The following CSMD1 variants were observed in gnomAD, a reference collection of about 807,000 sequenced individuals.
CSMD1 encodes CUB and sushi domain-containing protein 1.
A neutral mutation model predicts 417.5 loss-of-function variants in CSMD1; 213 were observed. The ratio of observed to expected loss-of-function variants is 0.51; its 90% CI spans 0.46 to 0.57. The LOEUF is 0.57. Among genes scored for constraint, CSMD1 ranks in the 20% least tolerant of loss-of-function variants. The pLI is 0.00. For synonymous variants in CSMD1, 2,862 were observed against 1,736.8 expected, an observed-to-expected ratio of 1.65 and a Z score of -16.11; for missense variants, 6,923 against 4,529.7, an observed-to-expected ratio of 1.53 and a Z score of -15.17.
chr8:3,840,865 G>A (rs759641199), intron 5 of CSMD1, among the ~76,000 whole-genome samples: 10 of 151,556 alleles, frequency 6.6e-5, no homozygotes, highest in Admixed American at 5.3e-4. Flanking sequence ...CTGTGACTAC[G>A]CCCATTAATT....
chr8:4,421,054 T>C (rs935165386), intron 2 of CSMD1, among the ~76,000 whole-genome samples: 8 of 152,182 alleles, frequency 5.3e-5, no homozygotes, highest in Non-Finnish European at 1.2e-4. Context: ...AAGAGACTCA[T>C]TTGTTCATTT....
chr8:3,145,989 G>A (rs1392852540), intron 40 of CSMD1, among the ~76,000 whole-genome samples: 3 of 152,186 alleles, frequency 2.0e-5, no homozygotes, highest in Admixed American at 6.5e-5. Context: ...GTTTTTAGTT[G>A]ATAGAACCTG....
intron 1 of CSMD1, among the ~76,000 whole-genome samples, chr8:4,689,683 G>A (rs571305386): frequency 1.3e-5 from 2 of 152,026 alleles, no homozygotes; most frequent in African/African-American, 2.4e-5. Flanking sequence ...TTTGCGAAAT[G>A]CCTTTGCTTT....
At chr8:4,491,581 G>T (rs570524468) in intron 2 of CSMD1, among the ~76,000 whole-genome samples, 9 of 152,202 alleles carry the variant, frequency 5.9e-5, no homozygotes, top group Admixed American at 3.3e-4. Context: ...TGGGCAAAAG[G>T]TCTGAACAGA....
intron 3 of CSMD1, among the ~76,000 whole-genome samples, chr8:4,062,179 A>C (rs907787003): frequency 6.6e-6 from 1 of 152,084 alleles, no homozygotes; most frequent in Non-Finnish European, 1.5e-5. Flanking sequence ...AGACTTGCCA[A>C]GTGACGGGAG....
At chr8:3,437,445 G>C (rs1043500855) in intron 12 of CSMD1, among the ~76,000 whole-genome samples, 5 of 152,114 alleles carry the variant, frequency 3.3e-5, no homozygotes, top group African/African-American at 7.2e-5. Flanking sequence ...TGTGTAATTT[G>C]TAAACAGAAT....
At chr8:4,408,699 A>G (rs1404131969) in intron 3 of CSMD1, among the ~76,000 whole-genome samples, 2 of 152,180 alleles carry the variant, frequency 1.3e-5, no homozygotes, top group African/African-American at 2.4e-5. Context: ...ATAAGCCCAT[A>G]GTTGACCAGC....
At chr8:2,968,902 A>C (rs1202553512) in intron 57 of CSMD1, among the ~76,000 whole-genome samples, 9 of 152,258 alleles carry the variant, frequency 5.9e-5, no homozygotes, top group African/African-American at 1.9e-4. Context: ...TGACTTCTTC[A>C]GCTAAAACAT....
At chr8:4,631,750 T>C (rs1802530658) in intron 2 of CSMD1, among the ~76,000 whole-genome samples, 1 of 152,238 alleles carries the variant, frequency 6.6e-6, no homozygotes, top group South Asian at 2.1e-4. Context: ...TTAATGGCCC[T>C]ATCACATTCA....
chr8:3,202,758 G>T (rs1239770021), intron 31 of CSMD1, among the ~76,000 whole-genome samples: 2 of 152,156 alleles, frequency 1.3e-5, no homozygotes. Flanking sequence ...AACAGTGTGT[G>T]TGCCCATGTG....
intron 23 of CSMD1, among the ~76,000 whole-genome samples, chr8:3,308,945 G>C (rs1034629732): frequency 2.6e-5 from 4 of 151,816 alleles, no homozygotes; most frequent in African/African-American, 9.7e-5. Context: ...GGCTGGTCTC[G>C]AATACCTGAC....
intron 5 of CSMD1, among the ~76,000 whole-genome samples, chr8:3,776,800 T>C (rs933704432): frequency 3.1e-5 from 3 of 96,338 alleles, no homozygotes; most frequent in Non-Finnish European, 4.2e-5. Context: ...TAGTGACATA[T>C]AGACGAGATA....
chr8:4,457,208 G>A (rs950446419), intron 2 of CSMD1, among the ~76,000 whole-genome samples: 1 of 152,114 alleles, frequency 6.6e-6, no homozygotes, highest in East Asian at 1.9e-4. Context: ...CACATGTGGA[G>A]GGAAGGGGGG....
At chr8:3,564,720 G>T (rs1799625042) in intron 10 of CSMD1, among the ~76,000 whole-genome samples, 1 of 150,710 alleles carries the variant, frequency 6.6e-6, no homozygotes, top group Non-Finnish European at 1.5e-5. Context: ...TGCCCTTGTG[G>T]CAGAAAAACC....
At chr8:3,739,151 A>G (rs1796671844) in intron 6 of CSMD1, among the ~76,000 whole-genome samples, 1 of 152,220 alleles carries the variant, frequency 6.6e-6, no homozygotes, top group East Asian at 1.9e-4. Flanking sequence ...AGTTTAAACA[A>G]TGTTTGCAGT....
intron 8 of CSMD1, among the ~76,000 whole-genome samples, chr8:3,608,755 C>G (rs1401053445): frequency 9.6e-6 from 1 of 104,350 alleles, no homozygotes; most frequent in Admixed American, 1.0e-4. Flanking sequence ...CAGAGTGAGA[C>G]TCTGTCTCAA....
chr8:4,144,272 C>G (rs912025954), intron 3 of CSMD1, among the ~76,000 whole-genome samples: 6 of 150,946 alleles, frequency 4.0e-5, no homozygotes, highest in Admixed American at 2.0e-4. Context: ...CTTATTCTGC[C>G]TCACACTCAC....
intron 7 of CSMD1, among the ~76,000 whole-genome samples, chr8:3,676,296 G>A (rs1158126901): frequency 6.6e-6 from 1 of 152,096 alleles, no homozygotes; most frequent in Non-Finnish European, 1.5e-5. Flanking sequence ...TGGCCCTGGG[G>A]CAAGTTCCTA....
At chr8:3,746,864 A>C (rs529680696) in intron 6 of CSMD1, among the ~76,000 whole-genome samples, 1 of 152,324 alleles carries the variant, frequency 6.6e-6, no homozygotes, top group East Asian at 1.9e-4. Context: ...TGGGGCTAAG[A>C]AATTGTCATC....
Sources: allele counts gnomAD v4.1 joint callset (sites outside exome capture counted in the v4.1 genomes callset), GRCh38; gene constraint gnomAD v4.1.1; transcripts MANE v1.5; gene names NCBI Gene and HGNC (gene_info 2026-07-23, HGNC 2026-07-21).